TRPM6: variants seen among roughly 807,000 people sequenced by gnomAD.
TRPM6 encodes the protein transient receptor potential cation channel subfamily M member 6.
Under a neutral mutation model 247.6 loss-of-function variants are expected in TRPM6, and 111 were observed. The ratio of observed to expected loss-of-function variants is 0.45; its 90% confidence interval spans 0.38 to 0.52. TRPM6 has a LOEUF of 0.52. Among genes scored for constraint, TRPM6 ranks in the 20% least tolerant of loss-of-function variants. The pLI, the probability that TRPM6 is intolerant of heterozygous loss-of-function variation, is 0.00. For missense variants in TRPM6, 2,126 were observed against 2,421.5 expected (o/e 0.88, Z 2.56); for synonymous variants, 892 against 853.8 (o/e 1.04, Z -0.78).
chr9:74,781,131 A>C (rs1016159195), intron 23 of TRPM6, among the ~76,000 whole-genome samples: 5 of 152,174 alleles, frequency 3.3e-5, no homozygotes, highest in Admixed American at 6.6e-5. Flanking sequence ...GATCACAAAA[A>C]GCATAAATAA....
At chr9:74,837,793 C>G (rs1818101536) in intron 5 of TRPM6, among the ~76,000 whole-genome samples, 1 of 148,154 alleles carries the variant, frequency 6.7e-6, no homozygotes, top group South Asian at 2.1e-4. Flanking sequence ...CTTTGCCACC[C>G]AGGCTGGGTA....
chr9:74,781,309 G>T (rs924956425), intron 23 of TRPM6, among the ~76,000 whole-genome samples: 1 of 152,068 alleles, frequency 6.6e-6, no homozygotes, highest in Admixed American at 6.5e-5. Context: ...GCAGAGGCAG[G>T]TGGATCACTT....
intron 1 of TRPM6, among the ~76,000 whole-genome samples, chr9:74,864,966 A>C (rs935988583): frequency 2.0e-5 from 3 of 151,836 alleles, no homozygotes; most frequent in Non-Finnish European, 4.4e-5. Flanking sequence ...CCAGCTACTC[A>C]GGAGGCTGAG....
At chr9:74,875,081 G>A (rs775638558) in intron 1 of TRPM6, among the ~76,000 whole-genome samples, 2 of 151,974 alleles carry the variant, frequency 1.3e-5, no homozygotes, top group Non-Finnish European at 2.9e-5. Context: ...TGTATTATAA[G>A]AAGGAATATT....
At chr9:74,852,987 G>A (rs947087147) in intron 3 of TRPM6, among the ~76,000 whole-genome samples, 3 of 151,550 alleles carry the variant, frequency 2.0e-5, no homozygotes, top group African/African-American at 7.3e-5. Context: ...CTGCCTGGCC[G>A]CCCAGTCTGG....
chr9:74,764,521 T>C (rs1274631343), intron 25 of TRPM6, among the ~76,000 whole-genome samples: 1 of 152,208 alleles, frequency 6.6e-6, no homozygotes, highest in East Asian at 1.9e-4. Context: ...CAAGGAAGGA[T>C]AGCAACATCG....
In TRPM6 at chr9:74,776,047, G is replaced by A. The variant is rs1355836848; in HGVS notation, c.3239C>T (p.Ser1080Leu). ...NNVYLDMESISNNLWKYNRYR... is the reference protein window; with the variant it reads ...NNVYLDMESILNNLWKYNRYR... ...GCGGTTGTATTTCCACAGGTTATTT[G>A]AAATGGATTCCATATCTAAGTAAAC... Residue 1080 changes from serine (S) to leucine (L), a missense_variant, in exon 24 of 39, where the codon TCA (serine) becomes TTA (leucine). Coordinates refer to ENST00000360774, the MANE Select transcript of TRPM6 (RefSeq NM_017662.5). 4.3e-6 allele frequency: 7 copies of A among 1,614,010 alleles called. No individual in the cohort carries two copies. The highest frequency in any genetic ancestry group is 5.9e-6 in the Non-Finnish European group (7 of 1,179,956).
At chr9:74,770,035 G>A (rs1292909914) in intron 25 of TRPM6, among the ~76,000 whole-genome samples, 1 of 152,172 alleles carries the variant, frequency 6.6e-6, no homozygotes, top group Non-Finnish European at 1.5e-5. Flanking sequence ...AAGATATTAT[G>A]TAGGTGAAAT....
chr9:74,847,779 C>G (rs1178401302), intron 3 of TRPM6, among the ~76,000 whole-genome samples: 2 of 151,906 alleles, frequency 1.3e-5, no homozygotes, highest in African/African-American at 4.8e-5. Flanking sequence ...CTTTGTGTCT[C>G]TGATTAAAGT....
chr9:74,855,405 C>A, intron 3 of TRPM6, 122 bp downstream of exon 3: 1 of 778,684 alleles, frequency 1.3e-6, no homozygotes, highest in Non-Finnish European at 2.3e-6. Context: ...TAAAACTTCC[C>A]TTGGAAAGGT....
chr9:74,743,275 G>T (rs1825922114), intron 32 of TRPM6, among the ~76,000 whole-genome samples: 1 of 152,180 alleles, frequency 6.6e-6, no homozygotes, highest in Admixed American at 6.5e-5. Context: ...CTACAAAGGA[G>T]AATTCAGGAT....
chr9:74,738,259 A>G (rs924288732), intron 36 of TRPM6, 148 bp downstream of exon 36: 1 of 788,198 alleles, frequency 1.3e-6, no homozygotes, highest in African/African-American at 1.7e-5. Context: ...TTCCATGATT[A>G]TCACTGTACA....
chr9:74,839,416 T>C (rs1829838931), intron 5 of TRPM6, among the ~76,000 whole-genome samples: 1 of 152,126 alleles, frequency 6.6e-6, no homozygotes, highest in African/African-American at 2.4e-5. Context: ...CGGTGAGTGT[T>C]TTGGCAATCA....
At chr9:74,763,831 T>C (rs1290363335) in intron 25 of TRPM6, among the ~76,000 whole-genome samples, 1 of 152,208 alleles carries the variant, frequency 6.6e-6, no homozygotes, top group Non-Finnish European at 1.5e-5. Context: ...CTTTCAAATG[T>C]AAATGTAAGT....
At position 74,762,272 on chromosome 9, in the gene TRPM6, T is replaced by C. The variant is rs756409335; in HGVS notation, c.4399A>G (p.Ser1467Gly). The change falls in exon 26 of 39, where the codon AGC (serine) becomes GGC (glycine). Residue 1467 changes from serine to glycine, a missense_variant. Transcript: ENST00000360774. ...CAGGTTTGCCACTTTTTCTTGATGC[T>C]AAACACACCAGTTTCATCACCTTCT... ...FSEGDETGVF[S>G]IKKKWQTCLP... The C allele has an allele frequency of 1.2e-6, 2 of 1,614,140 alleles. No homozygotes were observed. Among genetic ancestry groups the C allele is most frequent in the Admixed American group, 1.7e-5 (1 of 60,014 alleles).
At chr9:74,739,543 C>T in intron 34 of TRPM6, 94 bp from the exon 35 acceptor site, 1 of 1,502,076 alleles carries the variant, frequency 6.7e-7, no homozygotes, top group Non-Finnish European at 9.3e-7. Flanking sequence ...TGATTTTTAG[C>T]CTTATTCAAC....
chr9:74,786,056 T>C lies in TRPM6; in HGVS notation c.2737A>G (p.Thr913Ala). Residue 913 changes from threonine (T) to alanine (A), a missense_variant, in exon 21 of 39, where the codon ACA (threonine) becomes GCA (alanine). Thr to Ala is a moderately conservative substitution (Grantham distance 58). Around this residue, in one of 3 missense-constraint regions of TRPM6, gnomAD observed 1,082 missense variants for 1,307.9 expected, o/e 0.83. Coordinates refer to ENST00000360774, the MANE Select transcript of TRPM6 (RefSeq NM_017662.5). Reference protein sequence around the residue: ...KVWISEYWNLTETVAIGLFSA... With the variant: ...KVWISEYWNLAETVAIGLFSA... ...AACAGGCCAATGGCCACAGTTTCTG[T>C]TAAGTTCCAGTACTCACTAATCCAT... 3.1e-6 allele frequency: 5 copies of C among 1,614,226 alleles called. No homozygotes were observed. The highest frequency in any genetic ancestry group is 3.4e-6 in the Non-Finnish European group (4 of 1,180,048).
chr9:74,773,081 C>T (rs1269185405), intron 24 of TRPM6, among the ~76,000 whole-genome samples: 4 of 152,018 alleles, frequency 2.6e-5, no homozygotes, highest in African/African-American at 9.7e-5. Context: ...GAGCCGAGAT[C>T]GCTCCACTGC....
chr9:74,842,274 C>A lies in TRPM6; in HGVS notation c.222G>T (p.Lys74Asn). The change falls in exon 4 of 39, where the codon AAG (lysine) becomes AAT (asparagine). Residue 74 changes from lysine (K) to asparagine (N), a missense_variant. Physicochemically the swap from Lys to Asn is moderately conservative, Grantham distance 94 (BLOSUM62 0). This residue lies in a region of TRPM6 where 1,082 missense variants were observed against 1,307.9 expected (regional missense o/e 0.83). Coordinates refer to ENST00000360774, the MANE Select transcript of TRPM6 (RefSeq NM_017662.5). ...IDYSWTISAA[K>N]GKESEQWSVE... ...CAGACCATTGTTCACTTTCTTTACC[C>A]TTGGCAGCTGAGATGGTCCAGGAAT... 6.2e-7 allele frequency: 1 copy of A among 1,614,144 alleles called. No homozygotes were observed. Among genetic ancestry groups the A allele is most frequent in the Non-Finnish European group, 8.5e-7 (1 of 1,180,028 alleles).
Sources: allele counts gnomAD v4.1 joint callset (sites outside exome capture counted in the v4.1 genomes callset), GRCh38; gene constraint gnomAD v4.1.1; regional missense constraint gnomAD v4.1.1; transcripts MANE v1.5; gene names NCBI Gene and HGNC (gene_info 2026-07-23, HGNC 2026-07-21).